The following CERS1 variants were observed in gnomAD, a reference collection of about 807,000 sequenced individuals.
CERS1 encodes ceramide synthase 1.
A neutral mutation model predicts 35.7 loss-of-function variants in CERS1; 16 were observed. The ratio of observed to expected loss-of-function variants is 0.45; its 90% confidence interval spans 0.30 to 0.68. CERS1 has a LOEUF of 0.68. Among genes scored for constraint, CERS1 ranks in the 30% least tolerant of loss-of-function variants. The pLI, the probability that CERS1 is intolerant of heterozygous loss-of-function variation, is 0.08. For synonymous variants in CERS1, 243 were observed against 201.6 expected (o/e 1.21, Z -1.74); for missense variants, 454 against 453.9 (o/e 1.00, Z 0.00).
At chr19:18,884,061 C>T (rs773814038) in intron 3 of CERS1, 26 bp downstream of exon 3, 1 of 1,601,372 alleles carries the variant, frequency 6.2e-7, no homozygotes, top group Non-Finnish European at 8.5e-7. Flanking sequence ...GTGCCTCGGC[C>T]CCCTGCCACC....
At chr19:18,892,600 C>T (rs1055319302) in intron 2 of CERS1, among the ~76,000 whole-genome samples, 3 of 151,920 alleles carry the variant, frequency 2.0e-5, no homozygotes, top group Non-Finnish European at 4.4e-5. Context: ...GGCGACAGAG[C>T]GAGACTCCAT....
In CERS1 at chr19:18,868,563, T is replaced by G; in HGVS notation, c.*1422A>C. 10 of 1,474,618 alleles carry G rather than the reference T, an allele frequency of 6.8e-6. No homozygotes were observed. Among genetic ancestry groups the G allele is most frequent in the Non-Finnish European group, 9.3e-6 (10 of 1,080,760 alleles). The allele number at this position is 1,474,618 out of a possible 1,614,324, so 91.3% of individuals were successfully genotyped here. On this transcript the variant is annotated 3_prime_UTR_variant, in exon 8 of 8. Coordinates refer to ENST00000623882, the MANE Select transcript of CERS1 (RefSeq NM_021267.5). The stretch of plus-strand genomic sequence containing the variant: ...ACCAGCGGAGCAGACCACGCGGCAT[T>G]TATTGTTGGGCCCGCGTCCCTGCCC...
chr19:18,875,233 CT>C (rs1252828028), intron 6 of CERS1, among the ~76,000 whole-genome samples: 3 of 140,846 alleles, frequency 2.1e-5, no homozygotes, highest in Non-Finnish European at 4.5e-5. Context: ...GGGACCGTCT[CT>C]AAAAAAAAAA....
rs576051196 is a variant in CERS1, at chr19:18,890,871, C to A, written c.409+2545G>T. ...GGGCGTGGTGGCTCATGCCTGTAAT[C>A]CTGACACTTTGGGAGGCTGAGGCGG... On this transcript the variant is annotated intron_variant, in intron 2 of 7. Coordinates refer to ENST00000623882, the MANE Select transcript of CERS1 (RefSeq NM_021267.5). 1.3e-5 allele frequency among the ~76,000 whole-genome samples: 2 copies of A among 151,216 alleles called. 1 individual carries two copies. Among genetic ancestry groups the A allele is most frequent in the East Asian group, 3.9e-4 (2 of 5,152 alleles).
chr19:18,885,511 GT>G lies in CERS1; in HGVS notation c.410-1245del, dbSNP rs59793456. Among the ~76,000 whole-genome samples, 23 of 22,122 alleles carry G rather than the reference GT, an allele frequency of 1.0e-3. 1 individual carries two copies. Among genetic ancestry groups the G allele is most frequent in the East Asian group, 6.5e-3 (8 of 1,238 alleles). 14.5% of individuals were successfully genotyped at this position (22,122 alleles called of 152,430 possible). On this transcript the variant is annotated intron_variant, in intron 2 of 7. Coordinates refer to ENST00000623882, the MANE Select transcript of CERS1 (RefSeq NM_021267.5). ...CTCACCCAGCCCAGCGCCCCTTCTC[GT>G]TTTTTTTTTTTTTTTTTTTTTTTTT...
chr19:18,876,387 C>T (rs2056061053), intron 6 of CERS1, among the ~76,000 whole-genome samples: 2 of 152,002 alleles, frequency 1.3e-5, no homozygotes, highest in African/African-American at 2.4e-5. Context: ...GGGTCTTGCT[C>T]TGTTGCTCTG....
At position 18,870,173 on chromosome 19, in the gene CERS1, C is replaced by T. The variant is rs2055941330; in HGVS notation, c.*404G>A. On this transcript the variant is annotated 3_prime_UTR_variant, in exon 7 of 8. Coordinates refer to ENST00000623882, the MANE Select transcript of CERS1 (RefSeq NM_021267.5). The surrounding 1 kb of genome is among the most constrained non-coding windows in gnomAD (Gnocchi z 5.1). ...TGGGGGCACCCTGGGGCTCATCGCGCAGTCCTAGAGCCTGGAGCAGGGCGG... is the reference window on the plus strand; with the variant it reads ...TGGGGGCACCCTGGGGCTCATCGCGTAGTCCTAGAGCCTGGAGCAGGGCGG... The T allele has an allele frequency of 1.3e-6, 2 of 1,560,898 alleles. No individual in the cohort carries two copies. The highest frequency in any genetic ancestry group is 1.3e-5 in the African/African-American group (1 of 74,306).
chr19:18,896,099 C>A lies in CERS1; in HGVS notation c.-27G>T. The A allele has an allele frequency of 1.1e-6, 1 of 875,750 alleles. No homozygotes were observed. The highest frequency in any genetic ancestry group is 5.1e-5 in the South Asian group (1 of 19,582). The allele number at this position is 875,750 out of a possible 1,614,324, so 54.2% of individuals were successfully genotyped here. ...CCGCCCGCTCGCCCGCCGTGCCCGT[C>A]GCCTGCGCCCGCCCGCGGTAGCCGA... On this transcript the variant is annotated 5_prime_UTR_variant, in exon 1 of 8. Coordinates refer to ENST00000623882, the MANE Select transcript of CERS1 (RefSeq NM_021267.5). The surrounding 1 kb of genome is among the most constrained non-coding windows in gnomAD (Gnocchi z 5.9).
In CERS1 at chr19:18,895,889, GC is replaced by G; in HGVS notation, c.183del (p.Leu62CysfsTer233). On this transcript the variant is annotated frameshift_variant, in exon 1 of 8. Transcript: ENST00000623882. LOFTEE classifies it high-confidence loss of function. The surrounding 1 kb of genome is among the most constrained non-coding windows in gnomAD (Gnocchi z 6.4). Reference sequence around the variant, plus strand: ...CAGCCCAGCGCGCCGAGCGCCAGCAGCAGCAGCTCGGGCGGCGCCAGGTGCG... The same window carrying G: ...CAGCCCAGCGCGCCGAGCGCCAGCAGAGCAGCTCGGGCGGCGCCAGGTGCG... ...EHAHLAPPEL[L>X]LLALGALGWT... is the part of the protein sequence containing the mutation. 1 of 1,272,322 alleles carries G rather than the reference GC, an allele frequency of 7.9e-7. No homozygotes were observed. The highest frequency in any genetic ancestry group is 9.9e-7 in the Non-Finnish European group (1 of 1,009,918). The allele number at this position is 1,272,322 out of a possible 1,614,324, so 78.8% of individuals were successfully genotyped here.
At position 18,878,423 on chromosome 19, in the gene CERS1, C is replaced by T. The variant is rs2056105274; in HGVS notation, c.1010+507G>A. ...CTGGACTGAGTCTGAGCTCCCAGCC[C>T]CAGCTCCTGTTTGGCCGGGCAGTGG... On this transcript the variant is annotated intron_variant, in intron 6 of 7. Coordinates refer to ENST00000623882, the MANE Select transcript of CERS1 (RefSeq NM_021267.5). The surrounding 1 kb of genome is among the most constrained non-coding windows in gnomAD (Gnocchi z 4.6). The T allele has an allele frequency of 2.0e-6, 2 of 990,888 alleles. No homozygotes were observed. The highest frequency in any genetic ancestry group is 9.2e-5 in the South Asian group (2 of 21,824). The allele number at this position is 990,888 out of a possible 1,614,324, so 61.4% of individuals were successfully genotyped here.
intron 2 of CERS1, among the ~76,000 whole-genome samples, chr19:18,889,564 A>G (rs1462570970): frequency 6.6e-6 from 1 of 152,182 alleles, no homozygotes; most frequent in African/African-American, 2.4e-5. Context: ...AGCTGGGACC[A>G]CAGGCACGCG....
intron 1 of CERS1, among the ~76,000 whole-genome samples, chr19:18,893,794 G>C (rs1266523565): frequency 5.9e-5 from 9 of 152,162 alleles, no homozygotes; most frequent in African/African-American, 2.2e-4. Context: ...TGCTGGGAGG[G>C]GAGTGAGGGG....
chr19:18,883,079 C>T lies in CERS1; in HGVS notation c.590+1008G>A, dbSNP rs540220410. On this transcript the variant is annotated intron_variant, in intron 3 of 7. Transcript: ENST00000623882. The stretch of plus-strand genomic sequence containing the variant: ...GTTCAAGCAATCCTCCTGACTCAGC[C>T]TTCTAAGTAGCTGGGGGACTACAGG... 7 of 152,298 alleles carry T rather than the reference C, an allele frequency of 4.6e-5. No individual in the cohort carries two copies. The East Asian group carries it at 1.2e-3, about 25-fold the overall frequency. The allele number at this position is 152,298 out of a possible 1,614,324, so 9.4% of individuals were successfully genotyped here. A position where few individuals can be genotyped will look rare whatever the true frequency, so the allele number is the denominator to read the frequency against.
At chr19:18,890,057 G>C (rs2056454212) in intron 2 of CERS1, among the ~76,000 whole-genome samples, 1 of 152,192 alleles carries the variant, frequency 6.6e-6, no homozygotes, top group Admixed American at 6.6e-5. Flanking sequence ...AACCCAGGGT[G>C]ACATCCCTCC....
At position 18,895,901 on chromosome 19, in the gene CERS1, G is replaced by A; in HGVS notation, c.172C>T (p.Pro58Ser). ...CCGAGCGCCAGCAGCAGCAGCTCGG[G>A]CGGCGCCAGGTGCGCGTGCTCAGCC... ...GLAEHAHLAP[P>S]ELLLLALGAL... Residue 58 changes from proline (P) to serine (S), a missense_variant, in exon 1 of 8, where the codon CCC becomes TCC. By Grantham distance (74) the Pro-to-Ser change is moderately conservative. Coordinates refer to ENST00000623882, the MANE Select transcript of CERS1 (RefSeq NM_021267.5). The surrounding 1 kb of genome is among the most constrained non-coding windows in gnomAD (Gnocchi z 6.4). 3.2e-6 allele frequency: 4 copies of A among 1,258,842 alleles called. No homozygotes were observed. Among genetic ancestry groups the A allele is most frequent in the South Asian group, 2.2e-5 (1 of 44,774 alleles). 78.0% of individuals were successfully genotyped at this position (1,258,842 alleles called of 1,614,324 possible).
intron 2 of CERS1, among the ~76,000 whole-genome samples, chr19:18,886,919 C>T (rs2056375972): frequency 6.6e-6 from 1 of 152,234 alleles, no homozygotes; most frequent in African/African-American, 2.4e-5. Context: ...CTCCAGCGAT[C>T]CCTGGCCCCC....
rs1023244259 is a variant in CERS1 at position 18,880,393 on chromosome 19, G to A, written c.633C>T (p.Ile211=). 2 of 1,587,160 alleles carry A rather than the reference G, an allele frequency of 1.3e-6. No homozygotes were observed. The highest frequency in any genetic ancestry group is 2.3e-5 in the South Asian group (2 of 86,832). The change falls in exon 4 of 8, where the codon ATC becomes ATT. Residue 211 remains isoleucine, a synonymous_variant. Coordinates refer to ENST00000623882, the MANE Select transcript of CERS1 (RefSeq NM_021267.5). ...VGILVLFLHD[I]SDVQLEFTKL... ...TGGTGAACTCAAGCTGCACGTCACT[G>A]ATATCGTGCAGGAAGAGCACAAGGA...
At position 18,880,311 on chromosome 19, in the gene CERS1, C is replaced by A. The variant is rs376756172; in HGVS notation, c.715G>T (p.Ala239Ser). 129 of 1,552,604 alleles carry A rather than the reference C, an allele frequency of 8.3e-5. No homozygotes were observed. The highest frequency in any genetic ancestry group is 1.1e-4 in the Non-Finnish European group (126 of 1,148,268). The change falls in exon 4 of 8, where the codon GCA becomes TCA. Residue 239 changes from alanine (A) to serine (S), a missense_variant. Ala to Ser is a moderately conservative substitution (Grantham distance 99). Transcript: ENST00000623882. ...GGSYHRLHAL[A>S]ADLGCLSFGF... ...AAGCTGAGGCAGCCCAAGTCTGCTG[C>A]CAAGGCATGCAGCCGATGGTAGGAG...
At chr19:18,887,582 TA>T (rs1357339822) in intron 2 of CERS1, among the ~76,000 whole-genome samples, 1 of 151,922 alleles carries the variant, frequency 6.6e-6, no homozygotes, top group African/African-American at 2.4e-5. Flanking sequence ...CTGTCTGTAC[TA>T]AAAATACAAA....
Sources: allele counts gnomAD v4.1 joint callset (sites outside exome capture counted in the v4.1 genomes callset), GRCh38; gene constraint gnomAD v4.1.1; non-coding constraint Gnocchi (gnomAD v3.1); transcripts MANE v1.5; gene names NCBI Gene and HGNC (gene_info 2026-07-23, HGNC 2026-07-21).